Variants in SLC34A3 observed in about 807,000 individuals in gnomAD.
SLC34A3 encodes the protein sodium-dependent phosphate transport protein 2C.
SLC34A3 carries 60 observed loss-of-function variants against 43.9 expected under a neutral mutation model. The ratio of observed to expected loss-of-function variants is 1.37; its 90% confidence interval spans 1.11 to 1.70. The LOEUF (loss-of-function observed/expected upper bound fraction) is 1.70, where lower values mean the gene tolerates loss of function less well. Ranked by LOEUF, SLC34A3 falls within the 40% of genes most tolerant of loss-of-function variation. The pLI is 0.00. For missense variants in SLC34A3, 969 were observed against 823.8 expected (o/e 1.18, Z -2.16); for synonymous variants, 451 against 386.2 (o/e 1.17, Z -1.97).
rs1836299211 is a variant in SLC34A3, at chr9:137,232,722, G to T, written c.304+19G>T. On this transcript the variant is annotated intron_variant, in intron 4 of 12. Coordinates refer to ENST00000673835, the MANE Select transcript of SLC34A3 (RefSeq NM_001177316.2). ...CTGGGCAGTGAGTGACGGGACGGGT[G>T]CCCAGGGCGGGGCGGGCAACCAGCC... 2.5e-6 allele frequency: 4 copies of T among 1,612,802 alleles called. No individual in the cohort carries two copies. The African/African-American group carries it at 5.3e-5, about 22-fold the overall frequency.
rs761685075 is a variant in SLC34A3 at position 137,233,904 on chromosome 9, A to G, written c.888A>G (p.Thr296=). ...NSSCGAFGPC[T]EKNSTAPADR... ...GCTGTGGCGCCTTCGGCCCGTGCAC[A>G]GAGAAGAACAGCACAGCCCCGGCGG... The change falls in exon 9 of 13, where the codon ACA becomes ACG. Residue 296 remains threonine, a synonymous_variant. Transcript: ENST00000673835. 1.9e-6 allele frequency: 3 copies of G among 1,606,260 alleles called. No homozygotes were observed. Among genetic ancestry groups the G allele is most frequent in the Non-Finnish European group, 2.5e-6 (3 of 1,177,998 alleles).
chr9:137,236,374 C>T lies in SLC34A3; in HGVS notation c.1758C>T (p.Tyr586=). 6.5e-7 allele frequency: 1 copy of T among 1,539,408 alleles called. No homozygotes were observed. Residue 586 remains tyrosine (Y), a synonymous_variant, in exon 13 of 13, where the codon TAC becomes TAT. Transcript: ENST00000673835. ...SPPKATTKEA[Y]CYENPEILAS... ...CGAAGGCCACCACCAAAGAGGCCTA[C>T]TGCTACGAGAACCCTGAGATCTTGG... is the stretch of plus-strand genomic sequence containing the variant.
rs566626846 is a variant in SLC34A3, at chr9:137,231,707, C to T, written c.5C>T (p.Pro2Leu). 3.2e-5 allele frequency: 51 copies of T among 1,612,956 alleles called. No homozygotes were observed. The South Asian group carries it at 3.7e-4, about 12-fold the overall frequency. ...GTCTGTCCCTGCCCGAAATCCATGC[C>T]GAGTTCCCTTCCCGGCAGCCAGGTC... M[P>L]SSLPGSQVPH... Residue 2 changes from proline (P) to leucine (L), a missense_variant, in exon 2 of 13, where the codon CCG becomes CTG. Coordinates refer to ENST00000673835, the MANE Select transcript of SLC34A3 (RefSeq NM_001177316.2).
chr9:137,234,261 A>T lies in SLC34A3; in HGVS notation c.1078A>T (p.Thr360Ser). The part of the protein sequence containing the change: ...LRGRVAQVVR[T>S]VINADFPFPL... ...CGGCCGCGTGGCCCAGGTCGTGAGG[A>T]CAGTCATCAATGCGGGTGAGGGCGT... Residue 360 changes from threonine (T) to serine (S), a missense_variant, in exon 10 of 13, where the codon ACA becomes TCA. By Grantham distance (58) the Thr-to-Ser change is moderately conservative (BLOSUM62 1). Coordinates refer to ENST00000673835, the MANE Select transcript of SLC34A3 (RefSeq NM_001177316.2). This position sits in a 1 kb window ranked among gnomAD's most constrained non-coding sequence, Gnocchi z 6.9. The T allele has an allele frequency of 6.2e-7, 1 of 1,610,992 alleles. No individual in the cohort carries two copies. The highest frequency in any genetic ancestry group is 8.5e-7 in the Non-Finnish European group (1 of 1,179,534).
Position 137,233,000 on chromosome 9 carries a change from G to C in SLC34A3, c.449-4G>C. On this transcript the variant is annotated splice_region_variant and splice_polypyrimidine_tract_variant and intron_variant, in intron 5 of 12. Transcript: ENST00000673835. ...GCAGGCTGACTCAGCCCCCCCACCA[G>C]CAGTGCTGACTGTCCGGGTGTCTGT... The C allele has an allele frequency of 6.2e-7, 1 of 1,611,274 alleles. No homozygotes were observed. Among genetic ancestry groups the C allele is most frequent in the Non-Finnish European group, 8.5e-7 (1 of 1,179,494 alleles).
At position 137,234,578 on chromosome 9, in the gene SLC34A3, G is replaced by A; in HGVS notation, c.1211-29G>A. 1 of 1,611,132 alleles carries A rather than the reference G, an allele frequency of 6.2e-7. No homozygotes were observed. Among genetic ancestry groups the A allele is most frequent in the Non-Finnish European group, 8.5e-7 (1 of 1,179,066 alleles). On this transcript the variant is annotated intron_variant, in intron 11 of 12. Transcript: ENST00000673835. This position sits in a 1 kb window ranked among gnomAD's most constrained non-coding sequence, Gnocchi z 6.9. Reference sequence around the variant, plus strand: ...CCTCGGGAACGGGGGCTCGGGCTGGGGTCCTGTGGTGACTCCCAGTTCCCC... The same window carrying A: ...CCTCGGGAACGGGGGCTCGGGCTGGAGTCCTGTGGTGACTCCCAGTTCCCC...
intron 12 of SLC34A3, among the ~76,000 whole-genome samples, chr9:137,235,584 C>T (rs546120132): frequency 1.2e-4 from 18 of 152,320 alleles, no homozygotes; most frequent in East Asian, 3.9e-4. Flanking sequence ...GCCTCCTCCC[C>T]GCAGGGCCTG....
Position 137,233,755 on chromosome 9 carries a change from C to T in SLC34A3, c.846+33C>T, listed in dbSNP as rs772555730. 3.1e-6 allele frequency: 5 copies of T among 1,607,906 alleles called. No homozygotes were observed. In the East Asian group the frequency reaches 1.1e-4, roughly 36 times the overall value. Reference sequence around the variant, plus strand: ...ACCCAACCCTAGGCCCTCACTGACCCCCAACCTCCCACCTGCTGAGTCATC... The same window carrying T: ...ACCCAACCCTAGGCCCTCACTGACCTCCAACCTCCCACCTGCTGAGTCATC... On this transcript the variant is annotated intron_variant, in intron 8 of 12. Transcript: ENST00000673835.
At position 137,231,610 on chromosome 9, in the gene SLC34A3, G is replaced by A. The variant is rs1050718042; in HGVS notation, c.-39-54G>A. On this transcript the variant is annotated intron_variant, in intron 1 of 12. Transcript: ENST00000673835. ...CCAGGGGTGTGAATCCAGCTTGTGA[G>A]GACAGGGCCGGGGCAGGAGGAAATG... 9.6e-6 allele frequency: 11 copies of A among 1,141,296 alleles called. 1 individual carries two copies. The Admixed American group carries it at 1.5e-4, about 16-fold the overall frequency. 70.7% of individuals were successfully genotyped at this position (1,141,296 alleles called of 1,614,324 possible).
At position 137,236,318 on chromosome 9, in the gene SLC34A3, C is replaced by G. The variant is rs770213028; in HGVS notation, c.1702C>G (p.Arg568Gly). Residue 568 changes from arginine to glycine, a missense_variant, in exon 13 of 13, where the codon CGC (arginine) becomes GGC (glycine). Transcript: ENST00000673835. Reference sequence around the variant, plus strand: ...GGAGCCCTGGGACCGCCTGGTGACCCGCTGCTGCCCCTGCAACGTCTGCAG... The same window carrying G: ...GGAGCCCTGGGACCGCCTGGTGACCGGCTGCTGCCCCTGCAACGTCTGCAG... ...SLEPWDRLVT[R>G]CCPCNVCSPP... 8 of 1,542,464 alleles carry G rather than the reference C, an allele frequency of 5.2e-6. No homozygotes were observed. In the African/African-American group the frequency reaches 9.6e-5, roughly 18 times the overall value.
At position 137,233,088 on chromosome 9, in the gene SLC34A3, A is replaced by G. The variant is rs1564417596; in HGVS notation, c.533A>G (p.Gln178Arg). ...SITSTLVSMA[Q>R]SGDRDEFQRA... Reference sequence around the variant, plus strand: ...ACCAGCACCCTGGTCTCAATGGCGCAGTCAGGGGACCGGGATGAATTTCAG... The same window carrying G: ...ACCAGCACCCTGGTCTCAATGGCGCGGTCAGGGGACCGGGATGAATTTCAG... Residue 178 changes from glutamine to arginine, a missense_variant, in exon 6 of 13, where the codon CAG becomes CGG. Gln to Arg is a conservative substitution (Grantham distance 43, BLOSUM62 1). Coordinates refer to ENST00000673835, the MANE Select transcript of SLC34A3 (RefSeq NM_001177316.2). 1.3e-6 allele frequency: 2 copies of G among 1,591,472 alleles called. No individual in the cohort carries two copies. Among genetic ancestry groups the G allele is most frequent in the Non-Finnish European group, 1.7e-6 (2 of 1,168,096 alleles).
At chr9:137,230,293 C>T (rs565310009), upstream of SLC34A3, among the ~76,000 whole-genome samples, 14 of 152,258 alleles carry the variant, frequency 9.2e-5, no homozygotes, top group East Asian at 3.9e-4. Flanking sequence ...TGGAGGCTGC[C>T]GGCCGCCGTC....
chr9:137,233,067 G>C lies in SLC34A3; in HGVS notation c.512G>C (p.Ser171Thr). ...GTCAACGTAGGCACATCCATCACCA[G>C]CACCCTGGTCTCAATGGCGCAGTCA... is the stretch of plus-strand genomic sequence containing the variant. ...MGVNVGTSIT[S>T]TLVSMAQSGD... Residue 171 changes from serine to threonine, a missense_variant, in exon 6 of 13, where the codon AGC becomes ACC. By Grantham distance (58) the Ser-to-Thr change is moderately conservative (BLOSUM62 1). Transcript: ENST00000673835. 2 of 1,599,852 alleles carry C rather than the reference G, an allele frequency of 1.3e-6. No homozygotes were observed. The highest frequency in any genetic ancestry group is 1.7e-6 in the Non-Finnish European group (2 of 1,172,780).
rs1381771763 is a variant in SLC34A3 at position 137,236,480 on chromosome 9, G to C, written c.*64G>C. On this transcript the variant is annotated 3_prime_UTR_variant, in exon 13 of 13. Coordinates refer to ENST00000673835, the MANE Select transcript of SLC34A3 (RefSeq NM_001177316.2). ...TGGGAGGGCTCTGGAGGGCCCTGGA[G>C]GGGGGGTCCCCGCGGCAGCTGACCT... 3.6e-6 allele frequency: 5 copies of C among 1,396,734 alleles called. No homozygotes were observed. Among genetic ancestry groups the C allele is most frequent in the Non-Finnish European group, 4.9e-6 (5 of 1,021,344 alleles). The allele number at this position is 1,396,734 out of a possible 1,614,324, so 86.5% of individuals were successfully genotyped here. A position where few individuals can be genotyped will look rare whatever the true frequency, so the allele number is the denominator to read the frequency against.
Position 137,234,215 on chromosome 9 carries a change from G to A in SLC34A3, c.1032G>A (p.Lys344=). The A allele has an allele frequency of 6.2e-7, 1 of 1,608,862 alleles. No individual in the cohort carries two copies. Among genetic ancestry groups the A allele is most frequent in the Non-Finnish European group, 8.5e-7 (1 of 1,178,790 alleles). The change falls in exon 10 of 13, where the codon AAG becomes AAA. Residue 344 remains lysine, a synonymous_variant. Transcript: ENST00000673835. This position sits in a 1 kb window ranked among gnomAD's most constrained non-coding sequence, Gnocchi z 6.9. ...GCGGCTGCCTGGTCCTCATAGTCAA[G>A]CTGCTCAACTCTGTGCTGCGCGGCC... The part of the protein sequence containing the change: ...VLCGCLVLIV[K]LLNSVLRGRV...
Position 137,234,581 on chromosome 9 carries a change from C to A in SLC34A3, c.1211-26C>A. 6.2e-7 allele frequency: 1 copy of A among 1,611,864 alleles called. No homozygotes were observed. Among genetic ancestry groups the A allele is most frequent in the Non-Finnish European group, 8.5e-7 (1 of 1,179,628 alleles). ...CGGGAACGGGGGCTCGGGCTGGGGTCCTGTGGTGACTCCCAGTTCCCCCAG... is the reference window on the plus strand; with the variant it reads ...CGGGAACGGGGGCTCGGGCTGGGGTACTGTGGTGACTCCCAGTTCCCCCAG... On this transcript the variant is annotated intron_variant, in intron 11 of 12. Transcript: ENST00000673835. The surrounding 1 kb of genome is among the most constrained non-coding windows in gnomAD (Gnocchi z 6.9).
chr9:137,235,172 T>C (rs1192578382), intron 12 of SLC34A3, among the ~76,000 whole-genome samples: 1 of 151,816 alleles, frequency 6.6e-6, no homozygotes, highest in East Asian at 1.9e-4. Context: ...TGCTGGGCCC[T>C]GCCCTGCCGC....
Position 137,233,984 on chromosome 9 carries a change from C to G in SLC34A3, c.925+43C>G, listed in dbSNP as rs747754272. 3.4e-6 allele frequency: 5 copies of G among 1,480,676 alleles called. No homozygotes were observed. In the Admixed American group the frequency reaches 8.0e-5, roughly 24 times the overall value. The allele number at this position is 1,480,676 out of a possible 1,614,324, so 91.7% of individuals were successfully genotyped here. A position where few individuals can be genotyped will look rare whatever the true frequency, so the allele number is the denominator to read the frequency against. On this transcript the variant is annotated intron_variant, in intron 9 of 12. Transcript: ENST00000673835. Reference sequence around the variant, plus strand: ...CCAAGCCCCCTACACCCCCCACACTCCCCCTCACCGGCCCCTACATGGAGA... The same window carrying G: ...CCAAGCCCCCTACACCCCCCACACTGCCCCTCACCGGCCCCTACATGGAGA...
chr9:137,229,835 G>A (rs1836099831), upstream of SLC34A3, among the ~76,000 whole-genome samples: 1 of 152,152 alleles, frequency 6.6e-6, no homozygotes, highest in Admixed American at 6.5e-5. Flanking sequence ...ACCCTTTTGA[G>A]GGGCCGGGGC....
Sources: allele counts gnomAD v4.1 joint callset (sites outside exome capture counted in the v4.1 genomes callset), GRCh38; gene constraint gnomAD v4.1.1; non-coding constraint Gnocchi (gnomAD v3.1); transcripts MANE v1.5; gene names NCBI Gene and HGNC (gene_info 2026-07-23, HGNC 2026-07-21).